Variants in PPME1 observed in about 807,000 individuals in gnomAD.
The protein encoded by PPME1 is protein phosphatase methylesterase 1.
PPME1 carries 17 observed loss-of-function variants against 56.9 expected under a neutral mutation model. That is an observed-to-expected ratio of 0.30 (90% CI 0.20 to 0.45). PPME1 has a LOEUF of 0.45. Among genes scored for constraint, PPME1 ranks in the 20% least tolerant of loss-of-function variants. PPME1 has a pLI of 1.00. For synonymous variants in PPME1, 122 were observed against 156.2 expected, an observed-to-expected ratio of 0.78 and a Z score of 1.63; for missense variants, 357 against 483.2, an observed-to-expected ratio of 0.74 and a Z score of 2.45.
chr11:74,184,353 T>G (rs1857616276), intron 1 of PPME1, among the ~76,000 whole-genome samples: 1 of 152,216 alleles, frequency 6.6e-6, no homozygotes, highest in South Asian at 2.1e-4. Flanking sequence ...TATGGATAAG[T>G]AGGCTTGGGA....
intron 7 of PPME1, among the ~76,000 whole-genome samples, chr11:74,231,537 AT>A (rs1372315395): frequency 6.6e-6 from 1 of 152,226 alleles, no homozygotes; most frequent in Non-Finnish European, 1.5e-5. Flanking sequence ...AAACAGCAGA[AT>A]TTTTTGAACA....
chr11:74,246,127 A>G lies in PPME1; in HGVS notation c.886A>G (p.Lys296Glu), dbSNP rs1387546110. The stretch of plus-strand genomic sequence containing the variant: ...GAGAATTGAACTGGCAAAAACAGAA[A>G]AATACTGGGACGGCTGGTTCCGAGG... The part of the protein sequence containing the change: ...TWRIELAKTE[K>E]YWDGWFRGLS... The change falls in exon 10 of 14, where the codon AAA becomes GAA. Residue 296 changes from lysine to glutamate, a missense_variant. Physicochemically the swap from Lys to Glu is moderately conservative, Grantham distance 56. Coordinates refer to ENST00000328257, the MANE Select transcript of PPME1 (RefSeq NM_016147.3). The G allele has an allele frequency of 1.5e-5, 24 of 1,563,348 alleles. No homozygotes were observed. The highest frequency in any genetic ancestry group is 2.0e-5 in the Non-Finnish European group (23 of 1,153,014).
At chr11:74,172,333 G>C (rs990762488) in intron 1 of PPME1, among the ~76,000 whole-genome samples, 6 of 152,286 alleles carry the variant, frequency 3.9e-5, no homozygotes, top group Admixed American at 3.3e-4. Flanking sequence ...AGAATTTACA[G>C]AGTGACCATA....
chr11:74,218,640 C>A (rs909478723), intron 3 of PPME1, among the ~76,000 whole-genome samples: 2 of 152,112 alleles, frequency 1.3e-5, no homozygotes, highest in Middle Eastern at 3.2e-3. Flanking sequence ...GCTAAGAACA[C>A]ATGTTGGGGC....
At chr11:74,217,411 G>A (rs764439425) in intron 3 of PPME1, among the ~76,000 whole-genome samples, 19 of 151,690 alleles carry the variant, frequency 1.3e-4, no homozygotes, top group South Asian at 4.2e-4. Flanking sequence ...ACATGGTGGC[G>A]CGCACTTCTT....
intron 8 of PPME1, 114 bp downstream of exon 8, chr11:74,236,080 ATTTTAAATAATTTTAAAGGTGAG>A: frequency 6.9e-7 from 1 of 1,441,878 alleles, no homozygotes; most frequent in East Asian, 2.6e-5. Context: ...TGCCTTTATT[ATTTTAAATAATTTTAAAGGTGAG>A]TTCAGTTGGG....
chr11:74,229,744 A>C (rs1255505815), intron 5 of PPME1, among the ~76,000 whole-genome samples: 1 of 152,206 alleles, frequency 6.6e-6, no homozygotes, highest in Admixed American at 6.5e-5. Flanking sequence ...TAGATGTCGA[A>C]ACTCAGTTTC....
intron 9 of PPME1, among the ~76,000 whole-genome samples, chr11:74,244,251 T>G (rs1420104732): frequency 6.6e-6 from 1 of 152,214 alleles, no homozygotes; most frequent in Non-Finnish European, 1.5e-5. Flanking sequence ...GATCCCTCTT[T>G]GAGATTCTGT....
At position 74,190,495 on chromosome 11, in the gene PPME1, A is replaced by G. The variant is rs575796524; in HGVS notation, c.102-13233A>G. Among the ~76,000 whole-genome samples the G allele has an allele frequency of 2.0e-5, 3 of 152,316 alleles. No homozygotes were observed. The South Asian group carries it at 6.2e-4, about 32-fold the overall frequency. ...CTTCTGAAGCCCTCACCAGAAACAGATACTGGTAGCATGCTTCTTGTACAG... is the reference window on the plus strand; with the variant it reads ...CTTCTGAAGCCCTCACCAGAAACAGGTACTGGTAGCATGCTTCTTGTACAG... On this transcript the variant is annotated intron_variant, in intron 1 of 13. Transcript: ENST00000328257.
chr11:74,186,406 G>A (rs1184800027), intron 1 of PPME1, among the ~76,000 whole-genome samples: 2 of 151,644 alleles, frequency 1.3e-5, no homozygotes, highest in African/African-American at 2.4e-5. Context: ...CAAGAATGGG[G>A]AACTTAATAT....
chr11:74,218,482 A>G (rs1858713697), intron 3 of PPME1, among the ~76,000 whole-genome samples: 1 of 152,218 alleles, frequency 6.6e-6, no homozygotes, highest in South Asian at 2.1e-4. Context: ...GAGGAATAAC[A>G]TTACCTGACT....
chr11:74,216,337 A>G (rs1858641776), intron 3 of PPME1, among the ~76,000 whole-genome samples: 1 of 152,222 alleles, frequency 6.6e-6, no homozygotes. Context: ...CAATAAGAGG[A>G]GGAATTTTGG....
intron 7 of PPME1, 35 bp downstream of exon 7, chr11:74,231,037 A>T: frequency 6.7e-7 from 1 of 1,486,076 alleles, no homozygotes; most frequent in Non-Finnish European, 9.2e-7. Context: ...TTATTTAATT[A>T]ATTTGTTTGT....
At chr11:74,248,403 G>A (rs1859562689) in intron 11 of PPME1, 1 of 152,170 alleles carries the variant, frequency 6.6e-6, no homozygotes, top group African/African-American at 2.4e-5. Flanking sequence ...CAAACCTGCT[G>A]GATATCTCAT....
rs139683966 is a variant in PPME1, at chr11:74,180,775, T to C, written c.101+9253T>C. Among the ~76,000 whole-genome samples, 935 of 152,336 alleles carry C rather than the reference T, an allele frequency of 6.1e-3. 9 individuals are homozygous for C. The highest frequency in any genetic ancestry group is 0.027 in the South Asian group (132 of 4,830). Reference sequence around the variant, plus strand: ...AAGACAGCAAATGTCAATTAGCAATTATTTTCACACTAGCCTTATTTTATA... The same window carrying C: ...AAGACAGCAAATGTCAATTAGCAATCATTTTCACACTAGCCTTATTTTATA... On this transcript the variant is annotated intron_variant, in intron 1 of 13. Coordinates refer to ENST00000328257, the MANE Select transcript of PPME1 (RefSeq NM_016147.3).
At chr11:74,191,342 G>C (rs550386054) in intron 1 of PPME1, among the ~76,000 whole-genome samples, 40 of 152,214 alleles carry the variant, frequency 2.6e-4, no homozygotes, top group Admixed American at 7.2e-4. Context: ...CCTGTCTGAA[G>C]AAAAAACAAA....
Position 74,230,907 on chromosome 11 carries a change from T to C in PPME1, c.554-5T>C, listed in dbSNP as rs1859048740. 1.3e-6 allele frequency: 2 copies of C among 1,592,294 alleles called. No individual in the cohort carries two copies. The highest frequency in any genetic ancestry group is 2.7e-5 in the African/African-American group (2 of 74,520). ...ATGTGGTTACAGTTTTTGTTTAACA[T>C]CCAGGTACAGCTATGGATGCACTTA... On this transcript the variant is annotated splice_region_variant and splice_polypyrimidine_tract_variant and intron_variant, in intron 6 of 13. Transcript: ENST00000328257. The surrounding 1 kb of genome is among the most constrained non-coding windows in gnomAD (Gnocchi z 4.9).
chr11:74,192,670 T>A (rs1489072340), intron 1 of PPME1, among the ~76,000 whole-genome samples: 2 of 152,166 alleles, frequency 1.3e-5, no homozygotes, highest in Non-Finnish European at 2.9e-5. Flanking sequence ...TTTATTGCCA[T>A]CACCTTGGTA....
intron 1 of PPME1, among the ~76,000 whole-genome samples, chr11:74,195,272 G>A (rs1225066000): frequency 6.6e-6 from 1 of 152,180 alleles, no homozygotes; most frequent in Non-Finnish European, 1.5e-5. Context: ...TGAATTGCAT[G>A]ATAATCAGTG....
Sources: gnomAD v4.1 joint callset for allele counts (sites outside exome capture counted in the v4.1 genomes callset) on GRCh38, gnomAD v4.1.1 for gene constraint, Gnocchi (gnomAD v3.1) non-coding constraint, MANE v1.5 for transcripts, NCBI Gene and HGNC (gene_info 2026-07-23, HGNC 2026-07-21) for gene names.